The following SERPINE2 variants were observed in gnomAD, a reference collection of about 807,000 sequenced individuals.
SERPINE2 encodes the protein serpin family E member 2.
SERPINE2 carries 14 observed loss-of-function variants against 36.3 expected under a neutral mutation model. The ratio of observed to expected loss-of-function variants is 0.39; its 90% CI spans 0.25 to 0.60. The LOEUF is 0.60. SERPINE2 is among the 20% of genes least tolerant of loss of function. The pLI is 0.57. For missense variants in SERPINE2, 418 were observed against 499.6 expected (o/e 0.84, Z 1.56); for synonymous variants, 192 against 191.8 (o/e 1.00, Z -0.01).
At chr2:224,019,764 T>A (rs1484521210) in intron 1 of SERPINE2, among the ~76,000 whole-genome samples, 257 of 44,762 alleles carry the variant, frequency 5.7e-3, no homozygotes, top group African/African-American at 0.014. Flanking sequence ...TTTTTTTTTT[T>A]TAAAAAAAAA....
At chr2:224,005,626 T>C (rs1691394320) in intron 1 of SERPINE2, among the ~76,000 whole-genome samples, 1 of 152,182 alleles carries the variant, frequency 6.6e-6, no homozygotes, top group African/African-American at 2.4e-5. Context: ...ATGAAGTAAC[T>C]TGGAGTTCTC....
At chr2:223,992,035 C>G (rs1193514900) in intron 3 of SERPINE2, 35 bp from the exon 4 acceptor site, 1 of 1,596,848 alleles carries the variant, frequency 6.3e-7, no homozygotes, top group Non-Finnish European at 8.6e-7. Flanking sequence ...GGAAAAATAA[C>G]CTCAGGACTG....
intron 3 of SERPINE2, 40 bp from the exon 4 acceptor site, chr2:223,992,040 G>A (rs1483319562): frequency 6.3e-7 from 1 of 1,584,060 alleles, no homozygotes; most frequent in Non-Finnish European, 8.6e-7. Flanking sequence ...AATAACCTCA[G>A]GACTGGTGGC....
intron 4 of SERPINE2, 25 bp from the exon 5 acceptor site, chr2:223,984,975 G>A (rs1411175652): frequency 1.9e-6 from 3 of 1,608,076 alleles, no homozygotes; most frequent in Non-Finnish European, 8.5e-7. Context: ...AGCAGGTTCA[G>A]TGTATCCTTG....
At chr2:224,036,731 G>C (rs1298668904) in intron 1 of SERPINE2, among the ~76,000 whole-genome samples, 2 of 152,088 alleles carry the variant, frequency 1.3e-5, no homozygotes, top group African/African-American at 2.4e-5. Context: ...AGCTGAACAG[G>C]AAGGGCAGAC....
At chr2:223,990,781 T>A (rs1446421640) in intron 4 of SERPINE2, among the ~76,000 whole-genome samples, 1 of 152,118 alleles carries the variant, frequency 6.6e-6, no homozygotes, top group African/African-American at 2.4e-5. Flanking sequence ...AGTTCAAGAC[T>A]AGCCTGGGCA....
intron 1 of SERPINE2, among the ~76,000 whole-genome samples, chr2:224,022,158 C>CA (rs71058977): frequency 0.031 from 2,260 of 72,232 alleles, 103 homozygotes; most frequent in African/African-American, 0.1. Context: ...GACTCCTTCT[C>CA]AAAAAAAAAA....
chr2:223,980,465 T>C (rs978130980), intron 6 of SERPINE2, 68 bp from the exon 7 acceptor site: 1 of 1,378,494 alleles, frequency 7.3e-7, no homozygotes, highest in Non-Finnish European at 1.0e-6. Context: ...GTTGGGGAAG[T>C]AACCTCAAAG....
intron 7 of SERPINE2, 184 bp from the exon 8 acceptor site, chr2:223,977,811 G>A: frequency 5.4e-6 from 3 of 550,982 alleles, no homozygotes; most frequent in Non-Finnish European, 9.9e-6. Context: ...GCCTACCTTG[G>A]GCCAGGCCCT....
intron 1 of SERPINE2, chr2:224,038,428 T>C (rs1269628521): frequency 1.4e-6 from 2 of 1,412,656 alleles, no homozygotes; most frequent in East Asian, 2.5e-5. Flanking sequence ...CCCGCTCAGT[T>C]TGTGGACACA....
At chr2:223,982,529 G>C in intron 6 of SERPINE2, 152 bp downstream of exon 6, 1 of 476,292 alleles carries the variant, frequency 2.1e-6, no homozygotes, top group East Asian at 3.4e-5. Context: ...AATAAACGAA[G>C]GCCAATAGCA....
chr2:224,005,068 TATA>T (rs1559209136), intron 1 of SERPINE2, among the ~76,000 whole-genome samples: 16 of 8,546 alleles, frequency 1.9e-3, no homozygotes, highest in East Asian at 5.3e-3. Flanking sequence ...ATATATATTA[TATA>T]TATATATATA....
chr2:223,978,218 A>T (rs1484747132), intron 7 of SERPINE2: 1 of 152,848 alleles, frequency 6.5e-6, no homozygotes, highest in East Asian at 1.9e-4. Flanking sequence ...TTTTAGAGAC[A>T]GGGTTTCACT....
At chr2:224,023,089 A>G (rs1319978496) in intron 1 of SERPINE2, among the ~76,000 whole-genome samples, 3 of 152,200 alleles carry the variant, frequency 2.0e-5, no homozygotes, top group Admixed American at 1.3e-4. Context: ...CCAGTCTGGG[A>G]TATTTCCTTA....
intron 3 of SERPINE2, 38 bp downstream of exon 3, chr2:223,998,077 C>G: frequency 6.5e-7 from 1 of 1,533,306 alleles, no homozygotes; most frequent in African/African-American, 1.4e-5. Flanking sequence ...GCTTCATTCA[C>G]AAACTATGCA....
intron 3 of SERPINE2, among the ~76,000 whole-genome samples, chr2:223,994,960 G>A (rs1031048742): frequency 1.3e-5 from 2 of 152,206 alleles, no homozygotes; most frequent in Admixed American, 1.3e-4. Flanking sequence ...TGGCAGAACC[G>A]AGATTCAAAC....
At chr2:224,026,239 A>G (rs1692178243) in intron 1 of SERPINE2, among the ~76,000 whole-genome samples, 1 of 152,248 alleles carries the variant, frequency 6.6e-6, no homozygotes, top group African/African-American at 2.4e-5. Flanking sequence ...CGGGCTTTAT[A>G]CAAGTGGAAA....
chr2:224,019,765 T>TA (rs778718363), intron 1 of SERPINE2, among the ~76,000 whole-genome samples: 10 of 137,710 alleles, frequency 7.3e-5, no homozygotes, highest in East Asian at 4.1e-4. Flanking sequence ...TTTTTTTTTT[T>TA]AAAAAAAAAA....
At chr2:223,990,557 C>A (rs1044398871) in intron 4 of SERPINE2, among the ~76,000 whole-genome samples, 1 of 151,746 alleles carries the variant, frequency 6.6e-6, no homozygotes, top group African/African-American at 2.4e-5. Flanking sequence ...TAAATGAGGG[C>A]CCCCTCACTT....
Sources: allele counts gnomAD v4.1 joint callset (sites outside exome capture counted in the v4.1 genomes callset), GRCh38; gene constraint gnomAD v4.1.1; transcripts MANE v1.5; gene names NCBI Gene and HGNC (gene_info 2026-07-23, HGNC 2026-07-21).